The following MTA3 variants were observed in gnomAD, a reference collection of about 807,000 sequenced individuals.
The protein encoded by MTA3 is metastasis associated 1 family member 3, also known as metastasis-associated protein MTA3.
In MTA3, 34 loss-of-function variants were observed where a neutral mutation model predicts 83.5. That is an observed-to-expected ratio of 0.41 (90% CI 0.31 to 0.54). The LOEUF (loss-of-function observed/expected upper bound fraction) is 0.54. Among genes scored for constraint, MTA3 ranks in the 20% least tolerant of loss-of-function variants. The probability of loss-of-function intolerance (pLI) is 0.33; values close to 1 mark genes in which losing one functional copy is unlikely to be tolerated. For synonymous variants in MTA3, 303 were observed against 252.7 expected, an observed-to-expected ratio of 1.20 and a Z score of -1.89; for missense variants, 761 against 726.4, an observed-to-expected ratio of 1.05 and a Z score of -0.55.
At chr2:42,552,957 T>TAA (rs765193351) in intron 2 of MTA3, among the ~76,000 whole-genome samples, 1 of 123,914 alleles carries the variant, frequency 8.1e-6, no homozygotes. Flanking sequence ...CTCAAAAAAT[T>TAA]AAAAAAAAAA....
At chr2:42,653,461 C>T (rs1006856898) in intron 6 of MTA3, among the ~76,000 whole-genome samples, 2 of 152,046 alleles carry the variant, frequency 1.3e-5, no homozygotes, top group African/African-American at 4.8e-5. Flanking sequence ...AATTCAAGAG[C>T]TTTTTAAAAG....
At chr2:42,510,817 C>A (rs561412655) in intron 2 of MTA3, among the ~76,000 whole-genome samples, 76 of 152,262 alleles carry the variant, frequency 5.0e-4, no homozygotes, top group African/African-American at 1.8e-3. Flanking sequence ...GGGATGCCCC[C>A]ACTCTGACCC....
chr2:42,643,973 C>A (rs375208684), intron 5 of MTA3, among the ~76,000 whole-genome samples, 154 bp from the exon 6 acceptor site: 7 of 152,144 alleles, frequency 4.6e-5, no homozygotes, highest in Non-Finnish European at 5.9e-5. Context: ...ACGGTAACAC[C>A]ATGCTCTCCT....
At chr2:42,612,581 G>A (rs1258159215) in intron 4 of MTA3, among the ~76,000 whole-genome samples, 1 of 152,126 alleles carries the variant, frequency 6.6e-6, no homozygotes, top group Non-Finnish European at 1.5e-5. Context: ...GTTATGTGGG[G>A]CTGGGTGTGG....
chr2:42,724,954 C>T (rs1667709995), intron 16 of MTA3, among the ~76,000 whole-genome samples: 1 of 152,206 alleles, frequency 6.6e-6, no homozygotes, highest in Non-Finnish European at 1.5e-5. Context: ...TTTCTGTAGA[C>T]AGAGACCTTC....
intron 2 of MTA3, among the ~76,000 whole-genome samples, chr2:42,517,762 C>T (rs1675216321): frequency 6.7e-6 from 1 of 150,162 alleles, no homozygotes; most frequent in Admixed American, 6.7e-5. Context: ...CCTGTAATCC[C>T]AGCTACTCCG....
intron 4 of MTA3, among the ~76,000 whole-genome samples, chr2:42,622,627 A>G (rs966184775): frequency 1.3e-5 from 2 of 152,100 alleles, no homozygotes; most frequent in African/African-American, 2.4e-5. Context: ...AATAGGTATA[A>G]ACGTAAAGGA....
At chr2:42,653,471 G>GT (rs1201434635) in intron 6 of MTA3, among the ~76,000 whole-genome samples, 1 of 152,144 alleles carries the variant, frequency 6.6e-6, no homozygotes, top group South Asian at 2.1e-4. Flanking sequence ...CTTTTTAAAA[G>GT]TTTTTTCCAT....
chr2:42,581,608 A>G (rs565549281), intron 3 of MTA3, among the ~76,000 whole-genome samples: 27 of 149,854 alleles, frequency 1.8e-4, no homozygotes, highest in African/African-American at 6.6e-4. Context: ...GTCTCAAACT[A>G]TTGGCCTCAA....
chr2:42,549,701 T>TATATAATATATA (rs1677027952), intron 2 of MTA3, among the ~76,000 whole-genome samples: 1 of 101,662 alleles, frequency 9.8e-6, no homozygotes, highest in African/African-American at 3.8e-5. Context: ...ATATACATAT[T>TATATAATATATA]ATATATTATA....
At chr2:42,550,921 A>G (rs546259273) in intron 2 of MTA3, among the ~76,000 whole-genome samples, 3 of 152,058 alleles carry the variant, frequency 2.0e-5, no homozygotes, top group African/African-American at 7.2e-5. Flanking sequence ...GCACACCTGT[A>G]GTCCCAGCTA....
At chr2:42,550,386 C>T (rs1677057555) in intron 2 of MTA3, among the ~76,000 whole-genome samples, 1 of 152,146 alleles carries the variant, frequency 6.6e-6, no homozygotes, top group South Asian at 2.1e-4. Context: ...CACTGGGGGT[C>T]TTGGAAAGCA....
chr2:42,596,476 A>G (rs1175613129), intron 3 of MTA3, among the ~76,000 whole-genome samples: 1 of 152,174 alleles, frequency 6.6e-6, no homozygotes, highest in Admixed American at 6.6e-5. Flanking sequence ...AGTTATGGCA[A>G]GTTTGTGTCT....
intron 8 of MTA3, among the ~76,000 whole-genome samples, chr2:42,672,557 A>G (rs1690913590): frequency 6.9e-6 from 1 of 145,550 alleles, no homozygotes; most frequent in Non-Finnish European, 1.5e-5. Flanking sequence ...AGGCACGAGA[A>G]TCTCTTGAGC....
chr2:42,634,681 T>A (rs892891358), intron 4 of MTA3, among the ~76,000 whole-genome samples: 5 of 152,162 alleles, frequency 3.3e-5, no homozygotes, highest in African/African-American at 4.8e-5. Flanking sequence ...GTTATTTTTT[T>A]AAAAGTGTAT....
intron 9 of MTA3, among the ~76,000 whole-genome samples, chr2:42,689,678 G>C (rs1692698234): frequency 6.6e-6 from 1 of 151,446 alleles, no homozygotes; most frequent in African/African-American, 2.4e-5. Context: ...GTTTATAATA[G>C]GAGTTTAGAA....
At chr2:42,695,906 T>A (rs1331614112) in intron 10 of MTA3, 67 bp downstream of exon 10, 1 of 1,115,978 alleles carries the variant, frequency 9.0e-7, no homozygotes, top group South Asian at 1.6e-5. Flanking sequence ...TATTTTAATA[T>A]TTTTTGGCGA....
At chr2:42,606,826 C>G (rs1457549906) in intron 3 of MTA3, among the ~76,000 whole-genome samples, 1 of 149,582 alleles carries the variant, frequency 6.7e-6, no homozygotes, top group South Asian at 2.2e-4. Flanking sequence ...GTCTGCAATC[C>G]CGGCACCTCG....
At chr2:42,497,567 G>A (rs1174955978) in intron 2 of MTA3, among the ~76,000 whole-genome samples, 3 of 151,472 alleles carry the variant, frequency 2.0e-5, no homozygotes, top group African/African-American at 7.3e-5. Flanking sequence ...CCTGGGTGAT[G>A]GAGCGAGACT....
Sources: gnomAD v4.1 joint callset for allele counts (sites outside exome capture counted in the v4.1 genomes callset) on GRCh38, gnomAD v4.1.1 for gene constraint, MANE v1.5 for transcripts, NCBI Gene and HGNC (gene_info 2026-07-23, HGNC 2026-07-21) for gene names.